RARS2: variants seen among roughly 807,000 people sequenced by gnomAD.
RARS2 encodes probable arginine--tRNA ligase, mitochondrial.
RARS2 carries 67 observed loss-of-function variants against 88.5 expected under a neutral mutation model. The ratio of observed to expected loss-of-function variants is 0.76; its 90% CI spans 0.62 to 0.93. RARS2 has a LOEUF of 0.93. Ranked by LOEUF, RARS2 falls within the 40% of genes least tolerant of loss-of-function variation. RARS2 has a pLI of 0.00. For synonymous variants in RARS2, 239 were observed against 230.3 expected (o/e 1.04, Z -0.34); for missense variants, 664 against 684.2 (o/e 0.97, Z 0.33).
intron 8 of RARS2, among the ~76,000 whole-genome samples, chr6:87,538,970 G>A (rs1780048636): frequency 6.6e-6 from 1 of 151,910 alleles, no homozygotes; most frequent in South Asian, 2.1e-4. Context: ...GGAGGTCAAG[G>A]CTGCAGTGAG....
rs1236220657 is a variant in RARS2, at chr6:87,589,293, TTGAGCC to T, written c.36+623_36+628del. ...AGGGAAGCAGAGGAGGGAGGACAGC[TTGAGCC>T]CAGGAGTTTGAGGCCTGCCTGGGCA... is the stretch of plus-strand genomic sequence containing the variant. On this transcript the variant is annotated intron_variant, in intron 1 of 19. Transcript: ENST00000369536. 2.6e-5 allele frequency among the ~76,000 whole-genome samples: 4 copies of T among 152,288 alleles called. No individual in the cohort carries two copies. In the East Asian group the frequency reaches 7.7e-4, roughly 29 times the overall value.
chr6:87,586,727 T>C (rs1775266967), intron 1 of RARS2, among the ~76,000 whole-genome samples: 1 of 152,140 alleles, frequency 6.6e-6, no homozygotes, highest in South Asian at 2.1e-4. Context: ...CCTAAACTAT[T>C]ATAGCAAAAC....
At chr6:87,549,632 C>T (rs1783751436) in intron 5 of RARS2, among the ~76,000 whole-genome samples, 1 of 151,868 alleles carries the variant, frequency 6.6e-6, no homozygotes, top group Non-Finnish European at 1.5e-5. Flanking sequence ...CTCCAAATTC[C>T]CAATCAACAC....
intron 11 of RARS2, 109 bp from the exon 12 acceptor site, chr6:87,521,633 C>T (rs1313098675): frequency 1.2e-6 from 1 of 808,112 alleles, no homozygotes; most frequent in African/African-American, 1.7e-5. Flanking sequence ...TTAAATTATA[C>T]CACAGCCTGA....
chr6:87,568,713 C>T (rs572165421), intron 2 of RARS2, among the ~76,000 whole-genome samples: 2 of 152,278 alleles, frequency 1.3e-5, no homozygotes, highest in Non-Finnish European at 2.9e-5. Context: ...CCAAATGTAG[C>T]CTTTCTCTTT....
intron 8 of RARS2, among the ~76,000 whole-genome samples, chr6:87,532,775 G>A (rs933401288): frequency 6.6e-6 from 1 of 152,098 alleles, no homozygotes; most frequent in Non-Finnish European, 1.5e-5. Flanking sequence ...TAGGATACCT[G>A]ACACATCATA....
intron 18 of RARS2, among the ~76,000 whole-genome samples, chr6:87,515,358 A>G (rs1771238480): frequency 6.6e-6 from 1 of 152,074 alleles, no homozygotes; most frequent in Admixed American, 6.6e-5. Flanking sequence ...CGTCTCTACT[A>G]AAAATACAAA....
intron 1 of RARS2, among the ~76,000 whole-genome samples, chr6:87,583,427 T>C (rs916043036): frequency 6.6e-6 from 1 of 152,144 alleles, no homozygotes; most frequent in Non-Finnish European, 1.5e-5. Context: ...CCATCTCTAC[T>C]AAAAATACAA....
At chr6:87,535,911 T>C (rs1353738072) in intron 8 of RARS2, among the ~76,000 whole-genome samples, 2 of 152,060 alleles carry the variant, frequency 1.3e-5, no homozygotes, top group Non-Finnish European at 2.9e-5. Flanking sequence ...TCTCAAACTT[T>C]TGAGCTCAGG....
At chr6:87,515,066 C>G in intron 18 of RARS2, 46 bp from the exon 19 acceptor site, 1 of 1,447,828 alleles carries the variant, frequency 6.9e-7, no homozygotes, top group Non-Finnish European at 9.7e-7. Flanking sequence ...CAGTAATTTC[C>G]TGTTGTAAGA....
chr6:87,574,127 C>G (rs573544839), intron 1 of RARS2, among the ~76,000 whole-genome samples: 2 of 152,316 alleles, frequency 1.3e-5, no homozygotes, highest in South Asian at 4.1e-4. Flanking sequence ...CCAGCACTTT[C>G]CAGCAAAAGT....
intron 8 of RARS2, among the ~76,000 whole-genome samples, chr6:87,533,931 G>C (rs1232448834): frequency 6.6e-6 from 1 of 152,136 alleles, no homozygotes; most frequent in Non-Finnish European, 1.5e-5. Flanking sequence ...GCTTATCTTA[G>C]AAATACTGAG....
At chr6:87,573,814 A>G (rs1770564323) in intron 1 of RARS2, among the ~76,000 whole-genome samples, 2 of 152,238 alleles carry the variant, frequency 1.3e-5, no homozygotes, top group African/African-American at 4.8e-5. Flanking sequence ...ATTAGAGAGT[A>G]AACAGGTAGG....
At position 87,589,785 on chromosome 6, in the gene RARS2, G is replaced by A. The variant is rs1776439950; in HGVS notation, c.36+137C>T. The A allele has an allele frequency of 1.9e-5, 31 of 1,592,476 alleles. No individual in the cohort carries two copies. In the South Asian group the frequency reaches 3.5e-4, roughly 18 times the overall value. On this transcript the variant is annotated intron_variant, in intron 1 of 19. Coordinates refer to ENST00000369536, the MANE Select transcript of RARS2 (RefSeq NM_020320.5). ...CTGAAGCTCCACCAGCTCCAGAGAA[G>A]GGGGAGGAGGTGGTAGAAACTAACA...
chr6:87,520,841 G>A (rs181139453), intron 12 of RARS2, among the ~76,000 whole-genome samples: 23 of 152,306 alleles, frequency 1.5e-4, no homozygotes, highest in African/African-American at 5.3e-4. Flanking sequence ...CCAGGGGTTA[G>A]GATTGGGTGA....
chr6:87,545,864 T>C (rs772713015), intron 6 of RARS2, among the ~76,000 whole-genome samples, 165 bp from the exon 7 acceptor site: 2 of 152,198 alleles, frequency 1.3e-5, no homozygotes, highest in Non-Finnish European at 2.9e-5. Flanking sequence ...TCATGTGTTA[T>C]GGAAAGGGAG....
chr6:87,574,698 T>C (rs533391865), intron 1 of RARS2, among the ~76,000 whole-genome samples: 1 of 152,312 alleles, frequency 6.6e-6, no homozygotes, highest in East Asian at 1.9e-4. Flanking sequence ...AAGAACATTA[T>C]TCACAAATGC....
intron 4 of RARS2, among the ~76,000 whole-genome samples, chr6:87,559,324 A>T (rs1787040319): frequency 6.6e-6 from 1 of 151,972 alleles, no homozygotes; most frequent in Non-Finnish European, 1.5e-5. Context: ...GTCTCTAGCC[A>T]GGCATGGTGG....
intron 1 of RARS2, among the ~76,000 whole-genome samples, chr6:87,582,708 A>C (rs1283922611): frequency 1.3e-5 from 2 of 152,196 alleles, no homozygotes; most frequent in African/African-American, 4.8e-5. Context: ...CTTAATGTGG[A>C]TGAATATCTG....
Sources: gnomAD v4.1 joint callset for allele counts (sites outside exome capture counted in the v4.1 genomes callset) on GRCh38, gnomAD v4.1.1 for gene constraint, MANE v1.5 for transcripts, NCBI Gene and HGNC (gene_info 2026-07-23, HGNC 2026-07-21) for gene names.